The following WASL variants were observed in gnomAD, a reference collection of about 807,000 sequenced individuals.
WASL encodes the protein actin nucleation-promoting factor WASL.
A neutral mutation model predicts 55.5 loss-of-function variants in WASL; 20 were observed. The ratio of observed to expected loss-of-function variants is 0.36; its 90% confidence interval spans 0.25 to 0.52. The LOEUF (loss-of-function observed/expected upper bound fraction) is 0.52. Ranked by LOEUF, WASL falls within the 20% of genes least tolerant of loss-of-function variation. The pLI, the probability that WASL is intolerant of heterozygous loss-of-function variation, is 0.92. For synonymous variants in WASL, 249 were observed against 217.6 expected, an observed-to-expected ratio of 1.14 and a Z score of -1.27; for missense variants, 504 against 622.5, an observed-to-expected ratio of 0.81 and a Z score of 2.03.
chr7:123,737,776 G>C (rs1487458939), intron 1 of WASL, among the ~76,000 whole-genome samples: 1 of 151,968 alleles, frequency 6.6e-6, no homozygotes, highest in African/African-American at 2.4e-5. Context: ...AAAAATACCA[G>C]AAAAATGTGA....
intron 1 of WASL, among the ~76,000 whole-genome samples, chr7:123,720,753 C>T (rs1803932094): frequency 1.3e-5 from 2 of 151,208 alleles, no homozygotes; most frequent in African/African-American, 2.4e-5. Context: ...TGGGTTCATG[C>T]CATTCTCCTG....
At chr7:123,687,856 A>G (rs775251266) in intron 10 of WASL, among the ~76,000 whole-genome samples, 3 of 152,320 alleles carry the variant, frequency 2.0e-5, no homozygotes, top group Middle Eastern at 3.4e-3. Flanking sequence ...AGGAAAACAA[A>G]CATTGCTCAA....
intron 1 of WASL, among the ~76,000 whole-genome samples, chr7:123,742,867 A>C (rs145771909): frequency 6.6e-6 from 1 of 152,216 alleles, no homozygotes; most frequent in Non-Finnish European, 1.5e-5. Flanking sequence ...GATATATGCT[A>C]TATTAGTCTC....
At chr7:123,736,127 T>G (rs1804224201) in intron 1 of WASL, among the ~76,000 whole-genome samples, 1 of 152,108 alleles carries the variant, frequency 6.6e-6, no homozygotes, top group Admixed American at 6.5e-5. Context: ...AGCAGTATCT[T>G]TAAAGAACAG....
At chr7:123,697,470 T>C (rs1245674153) in intron 5 of WASL, among the ~76,000 whole-genome samples, 1 of 152,194 alleles carries the variant, frequency 6.6e-6, no homozygotes, top group Non-Finnish European at 1.5e-5. Flanking sequence ...ATAAAATTCT[T>C]GATCTTAAAA....
At chr7:123,717,843 T>C (rs1447996733) in intron 1 of WASL, among the ~76,000 whole-genome samples, 2 of 152,230 alleles carry the variant, frequency 1.3e-5, no homozygotes, top group Non-Finnish European at 2.9e-5. Context: ...TCATGATCTC[T>C]TTCAACTCAT....
rs755993650 is a variant in WASL, at chr7:123,694,703, G to A, written c.826+12C>T. On this transcript the variant is annotated intron_variant, in intron 8 of 10. Coordinates refer to ENST00000223023, the MANE Select transcript of WASL (RefSeq NM_003941.4). ...AAAACAAAACAGAACGCTGAATAGA[G>A]ATAAAAGTTACCTTGCCTCCGCAGT... 1.3e-5 allele frequency: 21 copies of A among 1,611,908 alleles called. No homozygotes were observed. The highest frequency in any genetic ancestry group is 1.0e-4 in the Admixed American group (6 of 59,622).
intron 1 of WASL, among the ~76,000 whole-genome samples, chr7:123,710,261 T>C (rs893060433): frequency 9.9e-5 from 15 of 151,126 alleles, no homozygotes; most frequent in African/African-American, 3.6e-4. Context: ...ATTTAGAATA[T>C]AATACTTCAT....
intron 1 of WASL, chr7:123,720,343 G>GAAAA: frequency 3.1e-6 from 1 of 320,654 alleles, no homozygotes; most frequent in South Asian, 2.2e-5. Context: ...CCATACAGCT[G>GAAAA]CAAAAAAAAA....
At chr7:123,746,362 A>G (rs554306025) in intron 1 of WASL, among the ~76,000 whole-genome samples, 1 of 152,324 alleles carries the variant, frequency 6.6e-6, no homozygotes, top group Non-Finnish European at 1.5e-5. Flanking sequence ...TCTTAGGTAG[A>G]GCTCTGAGTA....
At chr7:123,704,239 A>C (rs1803633230) in intron 5 of WASL, among the ~76,000 whole-genome samples, 1 of 152,226 alleles carries the variant, frequency 6.6e-6, no homozygotes, top group African/African-American at 2.4e-5. Context: ...GGTAAATCTT[A>C]AAGTAGGACA....
At chr7:123,739,894 GTGTGTGTGTGTGTGTGTGTGTA>G (rs1359446122) in intron 1 of WASL, among the ~76,000 whole-genome samples, 1,580 of 56,710 alleles carry the variant, frequency 0.028, 33 homozygotes, top group African/African-American at 0.1. Flanking sequence ...GTGTGTGTGT[GTGTGTGTGTGTGTGTGTGTGTA>G]TATATATATA....
intron 5 of WASL, among the ~76,000 whole-genome samples, chr7:123,702,324 G>C (rs1803604301): frequency 6.6e-6 from 1 of 152,112 alleles, no homozygotes; most frequent in Non-Finnish European, 1.5e-5. Context: ...CCAAAGTGCT[G>C]GGATTACAGG....
intron 10 of WASL, 123 bp downstream of exon 10, chr7:123,688,919 A>G: frequency 1.1e-6 from 1 of 880,916 alleles, no homozygotes; most frequent in South Asian, 1.6e-5. Flanking sequence ...TTACTCAATT[A>G]GCAGAGAGAA....
intron 9 of WASL, among the ~76,000 whole-genome samples, chr7:123,689,504 T>A (rs191872259): frequency 6.6e-6 from 1 of 152,300 alleles, no homozygotes; most frequent in Admixed American, 6.5e-5. Context: ...TCAAGGGATT[T>A]CATGTTATAA....
Position 123,689,062 on chromosome 7 carries a change from C to T in WASL, c.1436G>A (p.Ser479Asn). ...GALMEVMQKR[S>N]KAIHSSDEDE... is the part of the protein sequence containing the mutation. ...TCTACCTGAAGAATGAATGGCTTTG[C>T]TCCTTTTCTGCATCACTTCCATTAA... The change falls in exon 10 of 11, where the codon AGC becomes AAC. Residue 479 changes from serine (S) to asparagine (N), a missense_variant. By Grantham distance (46) the Ser-to-Asn change is conservative. Coordinates refer to ENST00000223023, the MANE Select transcript of WASL (RefSeq NM_003941.4). 1 of 1,612,480 alleles carries T rather than the reference C, an allele frequency of 6.2e-7. No individual in the cohort carries two copies. The highest frequency in any genetic ancestry group is 8.5e-7 in the Non-Finnish European group (1 of 1,178,986).
chr7:123,698,058 G>T (rs1803519022), intron 5 of WASL, among the ~76,000 whole-genome samples: 4 of 144,812 alleles, frequency 2.8e-5, no homozygotes, highest in Admixed American at 6.9e-5. Context: ...CTTGTGTGTG[G>T]TTTTTTTTTT....
intron 1 of WASL, among the ~76,000 whole-genome samples, chr7:123,731,017 C>T (rs2116815517): frequency 6.6e-6 from 1 of 152,138 alleles, no homozygotes; most frequent in Admixed American, 6.5e-5. Flanking sequence ...TCAATGAAGA[C>T]ACCCATTTTA....
At chr7:123,723,618 C>CTAA (rs1038293571) in intron 1 of WASL, among the ~76,000 whole-genome samples, 2 of 152,166 alleles carry the variant, frequency 1.3e-5, no homozygotes, top group African/African-American at 4.8e-5. Context: ...AGCACTTGTG[C>CTAA]TAAGCTCAAT....
Sources: gnomAD v4.1 joint callset for allele counts (sites outside exome capture counted in the v4.1 genomes callset) on GRCh38, gnomAD v4.1.1 for gene constraint, MANE v1.5 for transcripts, NCBI Gene and HGNC (gene_info 2026-07-23, HGNC 2026-07-21) for gene names.